CSMD1: variants seen among roughly 807,000 people sequenced by gnomAD.
The protein encoded by CSMD1 is CUB and Sushi multiple domains 1.
Under a neutral mutation model 417.5 loss-of-function variants are expected in CSMD1, and 213 were observed. The observed-to-expected ratio is 0.51, with a 90% CI of 0.46 to 0.57. The LOEUF (loss-of-function observed/expected upper bound fraction) is 0.57, where lower values mean the gene tolerates loss of function less well. CSMD1 is among the 20% of genes least tolerant of loss of function. The pLI is 0.00. For synonymous variants in CSMD1, 2,862 were observed against 1,736.8 expected (o/e 1.65, Z -16.11); for missense variants, 6,923 against 4,529.7 (o/e 1.53, Z -15.17).
At position 3,813,143 on chromosome 8, in the gene CSMD1, T is replaced by G. The variant is rs886430318; in HGVS notation, c.819-59101A>C. On this transcript the variant is annotated intron_variant, in intron 5 of 69. Coordinates refer to ENST00000635120, the MANE Select transcript of CSMD1 (RefSeq NM_033225.6). The stretch of plus-strand genomic sequence containing the variant: ...TGAAGACTTTCACATATGTTCCCAC[T>G]GGCATTGTAACACAATTACATTTCA... Among the ~76,000 whole-genome samples the G allele has an allele frequency of 2.6e-5, 4 of 151,012 alleles. No individual in the cohort carries two copies. The East Asian group carries it at 7.9e-4, about 30-fold the overall frequency.
At chr8:3,332,817 G>C (rs1396501612) in intron 23 of CSMD1, among the ~76,000 whole-genome samples, 1 of 152,198 alleles carries the variant, frequency 6.6e-6, no homozygotes, top group East Asian at 1.9e-4. Context: ...TCCAACCCTG[G>C]ATGTATGAAT....
At chr8:3,203,557 C>G (rs1563139305) in intron 31 of CSMD1, among the ~76,000 whole-genome samples, 1 of 152,108 alleles carries the variant, frequency 6.6e-6, no homozygotes, top group Non-Finnish European at 1.5e-5. Context: ...ATACAAAAAG[C>G]AAAATGGTGG....
At chr8:4,972,034 G>C (rs1301242115) in intron 1 of CSMD1, among the ~76,000 whole-genome samples, 1 of 152,022 alleles carries the variant, frequency 6.6e-6, no homozygotes, top group African/African-American at 2.4e-5. Flanking sequence ...TCTTAAAGAA[G>C]TTTAGGGAAA....
chr8:4,085,251 C>T (rs757954833), intron 3 of CSMD1, among the ~76,000 whole-genome samples: 6 of 152,116 alleles, frequency 3.9e-5, no homozygotes, highest in Non-Finnish European at 8.8e-5. Context: ...CCTGACAGAG[C>T]TTCTTCCCCA....
At chr8:3,364,240 T>G (rs1284828875) in intron 20 of CSMD1, among the ~76,000 whole-genome samples, 1 of 152,190 alleles carries the variant, frequency 6.6e-6, no homozygotes. Flanking sequence ...CAAATGAAAT[T>G]ACTCCTCTAA....
chr8:4,837,610 G>T (rs1800575036), intron 1 of CSMD1, among the ~76,000 whole-genome samples: 2 of 152,096 alleles, frequency 1.3e-5, no homozygotes, highest in African/African-American at 4.8e-5. Context: ...CCAGAGGCTG[G>T]GAAGGACAGT....
chr8:4,307,882 T>C (rs948886367), intron 3 of CSMD1, among the ~76,000 whole-genome samples: 1 of 151,936 alleles, frequency 6.6e-6, no homozygotes, highest in Non-Finnish European at 1.5e-5. Flanking sequence ...AAGTGTTCAG[T>C]AGAGAGGAGG....
At chr8:4,482,250 C>T (rs568992318) in intron 2 of CSMD1, among the ~76,000 whole-genome samples, 1 of 152,292 alleles carries the variant, frequency 6.6e-6, no homozygotes, top group Non-Finnish European at 1.5e-5. Flanking sequence ...CTTCTCCCAT[C>T]CTCCACCCTT....
At chr8:3,670,713 G>T (rs1482132735) in intron 7 of CSMD1, among the ~76,000 whole-genome samples, 1 of 145,082 alleles carries the variant, frequency 6.9e-6, no homozygotes, top group East Asian at 2.0e-4. Flanking sequence ...GGATATATAT[G>T]TATATGGGAT....
chr8:3,368,675 G>C (rs1217446914), intron 19 of CSMD1, among the ~76,000 whole-genome samples: 1 of 152,076 alleles, frequency 6.6e-6, no homozygotes, highest in African/African-American at 2.4e-5. Flanking sequence ...TTTAGTCACA[G>C]AAAAAAGTTT....
intron 50 of CSMD1, among the ~76,000 whole-genome samples, chr8:3,030,313 A>T (rs926098680): frequency 1.3e-5 from 2 of 152,054 alleles, no homozygotes; most frequent in Non-Finnish European, 2.9e-5. Flanking sequence ...CAAAATTAGA[A>T]ACCAGAACCA....
chr8:3,525,593 T>C (rs1007366418), intron 10 of CSMD1, among the ~76,000 whole-genome samples: 8 of 152,150 alleles, frequency 5.3e-5, no homozygotes, highest in African/African-American at 1.9e-4. Context: ...GATAAGTCTG[T>C]CACTAGGAGG....
In CSMD1 at chr8:3,753,811, A is replaced by G. The variant is rs193220608; in HGVS notation, c.931+119T>C. The G allele has an allele frequency of 1.0e-3, 633 of 631,000 alleles. 1 individual carries two copies. The highest frequency in any genetic ancestry group is 2.7e-3 in the Admixed American group (96 of 35,074). The allele number at this position is 631,000 out of a possible 1,614,324, so 39.1% of individuals were successfully genotyped here. A position where few individuals can be genotyped will look rare whatever the true frequency, so the allele number is the denominator to read the frequency against. On this transcript the variant is annotated intron_variant, in intron 6 of 69. Coordinates refer to ENST00000635120, the MANE Select transcript of CSMD1 (RefSeq NM_033225.6). Reference sequence around the variant, plus strand: ...ATGATTTCCAAAGATAACTGTGAATAAAAGAATTAGAAACCATTTTCAAGC... The same window carrying G: ...ATGATTTCCAAAGATAACTGTGAATGAAAGAATTAGAAACCATTTTCAAGC...
At chr8:4,081,788 C>G (rs537191921) in intron 3 of CSMD1, among the ~76,000 whole-genome samples, 9 of 152,040 alleles carry the variant, frequency 5.9e-5, no homozygotes, top group Non-Finnish European at 8.8e-5. Flanking sequence ...AAGCAAAACA[C>G]TTGAATACAC....
intron 3 of CSMD1, among the ~76,000 whole-genome samples, chr8:4,033,053 T>C (rs1797431788): frequency 1.3e-5 from 2 of 151,034 alleles, no homozygotes; most frequent in Admixed American, 6.6e-5. Flanking sequence ...CAATACTTTC[T>C]TCTAACCCAG....
intron 3 of CSMD1, among the ~76,000 whole-genome samples, chr8:4,034,772 C>T (rs1330059629): frequency 6.6e-6 from 1 of 152,108 alleles, no homozygotes; most frequent in African/African-American, 2.4e-5. Context: ...TTCTTAGGGT[C>T]ATTATTATTA....
At chr8:3,315,930 T>C (rs1342279687) in intron 23 of CSMD1, among the ~76,000 whole-genome samples, 1 of 152,372 alleles carries the variant, frequency 6.6e-6, no homozygotes, top group African/African-American at 2.4e-5. Context: ...GGTTGTACTT[T>C]GATCTTGTGC....
chr8:4,395,132 C>T (rs142962516), intron 3 of CSMD1, among the ~76,000 whole-genome samples: 4 of 152,286 alleles, frequency 2.6e-5, no homozygotes, highest in East Asian at 3.9e-4. Flanking sequence ...GGAGCTGAAG[C>T]CCTTTGTCCC....
chr8:4,371,334 G>C (rs1379480313), intron 3 of CSMD1, among the ~76,000 whole-genome samples: 1 of 152,164 alleles, frequency 6.6e-6, no homozygotes, highest in East Asian at 1.9e-4. Flanking sequence ...CAACAGGCAA[G>C]TTAAAGTTTT....
Sources: allele counts gnomAD v4.1 joint callset (sites outside exome capture counted in the v4.1 genomes callset), GRCh38; gene constraint gnomAD v4.1.1; transcripts MANE v1.5; gene names NCBI Gene and HGNC (gene_info 2026-07-23, HGNC 2026-07-21).